Variants in CDC25B observed in about 807,000 individuals in gnomAD.
CDC25B encodes the protein M-phase inducer phosphatase 2.
CDC25B carries 33 observed loss-of-function variants against 69.8 expected under a neutral mutation model. That is an observed-to-expected ratio of 0.47 (90% CI 0.36 to 0.63). CDC25B has a LOEUF of 0.63. Among genes scored for constraint, CDC25B ranks in the 30% least tolerant of loss-of-function variants. The pLI is 0.00. For missense variants in CDC25B, 727 were observed against 809.1 expected, an observed-to-expected ratio of 0.90 and a Z score of 1.23; for synonymous variants, 341 against 314.6, an observed-to-expected ratio of 1.08 and a Z score of -0.89.
intron 14 of CDC25B, 84 bp from the exon 15 acceptor site, chr20:3,804,485 A>AG: frequency 1.2e-6 from 1 of 839,176 alleles, no homozygotes; most frequent in Admixed American, 1.9e-5. Context: ...AGGCCCTCAA[A>AG]GGAGGGGACG....
intron 6 of CDC25B, 33 bp from the exon 7 acceptor site, chr20:3,800,938 T>C (rs1456515796): frequency 1.2e-6 from 2 of 1,613,116 alleles, no homozygotes; most frequent in South Asian, 1.1e-5. Flanking sequence ...TTCCCTGGCA[T>C]GTGAGGACCC....
Position 3,804,904 on chromosome 20 carries a change from C to T in CDC25B, c.1686C>T (p.Arg562=), listed in dbSNP as rs368410035. The T allele has an allele frequency of 2.5e-5, 41 of 1,613,982 alleles. No individual in the cohort carries two copies. The African/African-American group carries it at 4.8e-4, about 19-fold the overall frequency. ...DELKTFRLKT[R]SWAGERSRRE... ...TAAAGACCTTCCGCCTCAAGACTCG[C>T]AGCTGGGCTGGGGAGCGGAGCCGGC... The change falls in exon 16 of 16, where the codon CGC becomes CGT. Residue 562 remains arginine, a synonymous_variant. Transcript: ENST00000245960.
upstream of CDC25B, among the ~76,000 whole-genome samples, chr20:3,792,039 A>T (rs557838559): frequency 6.6e-6 from 1 of 151,526 alleles, no homozygotes; most frequent in East Asian, 2.0e-4. Context: ...TCAGACTCCC[A>T]AGTAGCTGGG....
In CDC25B at chr20:3,796,543, C is replaced by G. The variant is rs2146667354; in HGVS notation, c.12C>G (p.Pro4=). The change falls in exon 1 of 16, where the codon CCC becomes CCG. Residue 4 remains proline (P), a synonymous_variant. Transcript: ENST00000245960. ...CCGGCCCCGCCGCGATGGAGGTGCCCCAGCCGGAGCCCGCGCCAGGCTCGG... is the reference window on the plus strand; with the variant it reads ...CCGGCCCCGCCGCGATGGAGGTGCCGCAGCCGGAGCCCGCGCCAGGCTCGG... MEV[P]QPEPAPGSAL... 4.0e-6 allele frequency: 6 copies of G among 1,483,080 alleles called. No homozygotes were observed. The South Asian group carries it at 7.7e-5, about 19-fold the overall frequency. 91.9% of individuals were successfully genotyped at this position (1,483,080 alleles called of 1,614,324 possible).
chr20:3,802,752 C>T, intron 11 of CDC25B, 158 bp from the exon 12 acceptor site: 3 of 653,480 alleles, frequency 4.6e-6, no homozygotes, highest in Non-Finnish European at 8.3e-6. Flanking sequence ...GTGTCAGACC[C>T]AAGAGGTGCC....
chr20:3,797,591 C>T (rs772437857), intron 1 of CDC25B, 31 bp from the exon 2 acceptor site: 11 of 1,612,810 alleles, frequency 6.8e-6, no homozygotes, highest in East Asian at 6.7e-5. Context: ...GTTTACCTTT[C>T]TCCTTTCCCG....
In CDC25B at chr20:3,802,038, G is replaced by C; in HGVS notation, c.1036G>C (p.Val346Leu). The C allele has an allele frequency of 6.3e-7, 1 of 1,580,800 alleles. No homozygotes were observed. Among genetic ancestry groups the C allele is most frequent in the Non-Finnish European group, 8.6e-7 (1 of 1,163,756 alleles). ...GCGGCCCCAGGACAGGGACACGCCC[G>C]TGCAGAATAAGCGGAGGCGGAGCGT... is the stretch of plus-strand genomic sequence containing the variant. ...LERPQDRDTPVQNKRRRSVTP... is the reference protein window; with the variant it reads ...LERPQDRDTPLQNKRRRSVTP... Residue 346 changes from valine to leucine, a missense_variant, in exon 10 of 16, where the codon GTG (valine) becomes CTG (leucine). By Grantham distance (32) the Val-to-Leu change is conservative (BLOSUM62 1). This residue lies in a region of CDC25B where 359 missense variants were observed against 463.4 expected (regional missense o/e 0.77). Transcript: ENST00000245960.
chr20:3,788,142 A>AAAGAAAGAAAGAAAGAAAGAAAGAAAG (rs2088855200), intron 1 of CDC25B, among the ~76,000 whole-genome samples: 3 of 150,096 alleles, frequency 2.0e-5, no homozygotes, highest in African/African-American at 7.4e-5. Flanking sequence ...ATCTCAAAAA[A>AAAGAAAGAAAGAAAGAAAGAAAGAAAG]AAAGAAAGAA....
At chr20:3,788,190 G>A (rs2088857303) in intron 1 of CDC25B, among the ~76,000 whole-genome samples, 1 of 151,878 alleles carries the variant, frequency 6.6e-6, no homozygotes, top group African/African-American at 2.4e-5. Context: ...TGAAGTGGAG[G>A]AGCCCCTGAA....
Position 3,796,433 on chromosome 20 carries a change from C to G in CDC25B, c.-99C>G. 1 of 511,500 alleles carries G rather than the reference C, an allele frequency of 2.0e-6. No homozygotes were observed. The highest frequency in any genetic ancestry group is 2.7e-5 in the South Asian group (1 of 37,526). The allele number at this position is 511,500 out of a possible 1,614,324, so 31.7% of individuals were successfully genotyped here. On this transcript the variant is annotated 5_prime_UTR_variant, in exon 1 of 16. Coordinates refer to ENST00000245960, the MANE Select transcript of CDC25B (RefSeq NM_021873.4). ...CCTCCCTCCTTCCCCCCCCCCCCACCCCTCGCCCGCTGCCTCCCTCGGCCC... is the reference window on the plus strand; with the variant it reads ...CCTCCCTCCTTCCCCCCCCCCCCACGCCTCGCCCGCTGCCTCCCTCGGCCC...
rs543067182 is a variant in CDC25B at position 3,803,830 on chromosome 20, C to T, written c.1490+293C>T. Among the ~76,000 whole-genome samples, 14 of 152,324 alleles carry T rather than the reference C, an allele frequency of 9.2e-5. No individual in the cohort carries two copies. Among genetic ancestry groups the T allele is most frequent in the Non-Finnish European group, 1.2e-4 (8 of 68,032 alleles). On this transcript the variant is annotated intron_variant, in intron 14 of 15. Coordinates refer to ENST00000245960, the MANE Select transcript of CDC25B (RefSeq NM_021873.4). This position sits in a 1 kb window ranked among gnomAD's most constrained non-coding sequence, Gnocchi z 4.9. ...GTCTTTTCTCGAAATCTAAGGGCCG[C>T]GTGTCAGTCCCCAGTACACGGACCC...
chr20:3,793,723 A>G (rs1206038331), upstream of CDC25B, among the ~76,000 whole-genome samples: 2 of 142,728 alleles, frequency 1.4e-5, no homozygotes, highest in South Asian at 2.3e-4. Flanking sequence ...AGCATTAGGT[A>G]TATCTCCTAA....
upstream of CDC25B, among the ~76,000 whole-genome samples, chr20:3,793,544 TTC>T (rs1427366975): frequency 6.8e-6 from 1 of 147,424 alleles, no homozygotes; most frequent in Non-Finnish European, 1.5e-5. Flanking sequence ...ACTGTGGGAT[TTC>T]TGTTTTTTTT....
In CDC25B at chr20:3,804,418, C is replaced by T. The variant is rs117166738; in HGVS notation, c.1491-151C>T. The stretch of plus-strand genomic sequence containing the variant: ...CCACCCTCTTCTGTAGCCAGAGTGA[C>T]CTAAAAGTGTTCTTGTGGTTACATT... On this transcript the variant is annotated intron_variant, in intron 14 of 15. Coordinates refer to ENST00000245960, the MANE Select transcript of CDC25B (RefSeq NM_021873.4). 1,019 of 634,950 alleles carry T rather than the reference C, an allele frequency of 1.6e-3. 5 individuals are homozygous for T. The highest frequency in any genetic ancestry group is 8.0e-3 in the African/African-American group (444 of 55,452). The allele number at this position is 634,950 out of a possible 1,614,324, so 39.3% of individuals were successfully genotyped here. A position where few individuals can be genotyped will look rare whatever the true frequency, so the allele number is the denominator to read the frequency against.
At chr20:3,790,075 G>A (rs1464669737) in intron 1 of CDC25B, among the ~76,000 whole-genome samples, 1 of 151,972 alleles carries the variant, frequency 6.6e-6, no homozygotes, top group East Asian at 1.9e-4. Context: ...AGGATCACCT[G>A]AGCCCAGGAG....
chr20:3,789,392 C>T (rs139364623), intron 1 of CDC25B, among the ~76,000 whole-genome samples: 2,662 of 151,930 alleles, frequency 0.018, 41 homozygotes, highest in Middle Eastern at 0.031. Context: ...TTTTTTGAGA[C>T]GGAGTCTCAC....
intron 5 of CDC25B, 111 bp downstream of exon 5, chr20:3,800,609 G>T: frequency 6.3e-7 from 1 of 1,580,706 alleles, no homozygotes; most frequent in Non-Finnish European, 8.7e-7. Context: ...CAGGCAGGCT[G>T]TAGGAGATGG....
At chr20:3,793,015 G>A (rs1273332617), upstream of CDC25B, among the ~76,000 whole-genome samples, 1 of 152,186 alleles carries the variant, frequency 6.6e-6, no homozygotes, top group Non-Finnish European at 1.5e-5. Context: ...CTAGTTTGAA[G>A]ACTTGATATC....
At chr20:3,800,440 C>T in intron 4 of CDC25B, 22 bp from the exon 5 acceptor site, 1 of 1,614,192 alleles carries the variant, frequency 6.2e-7, no homozygotes. Context: ...CAGCTCTCAC[C>T]TGTCCCCATT....
Sources: allele counts gnomAD v4.1 joint callset (sites outside exome capture counted in the v4.1 genomes callset), GRCh38; gene constraint gnomAD v4.1.1; regional missense constraint gnomAD v4.1.1; non-coding constraint Gnocchi (gnomAD v3.1); transcripts MANE v1.5; gene names NCBI Gene and HGNC (gene_info 2026-07-23, HGNC 2026-07-21).